The following FAT3 variants were observed in gnomAD, a reference collection of about 807,000 sequenced individuals.
The protein encoded by FAT3 is FAT atypical cadherin 3, also known as protocadherin Fat 3.
FAT3 carries 95 observed loss-of-function variants against 310.2 expected under a neutral mutation model. That is an observed-to-expected ratio of 0.31 (90% CI 0.26 to 0.36). The LOEUF is 0.36. Ranked by LOEUF, FAT3 falls within the 10% of genes least tolerant of loss-of-function variation. The probability of loss-of-function intolerance (pLI) is 1.00; values close to 1 mark genes in which losing one functional copy is unlikely to be tolerated. For missense variants in FAT3, 5,408 were observed against 5,715.6 expected (o/e 0.95, Z 1.74); for synonymous variants, 2,314 against 2,192.9 (o/e 1.06, Z -1.54).
chr11:92,789,093 T>C (rs991201253), intron 7 of FAT3, among the ~76,000 whole-genome samples: 1 of 152,154 alleles, frequency 6.6e-6, no homozygotes, highest in Non-Finnish European at 1.5e-5. Flanking sequence ...TTGATGATAT[T>C]AAGGAACTAC....
At chr11:92,534,331 G>T (rs1179225103) in intron 3 of FAT3, among the ~76,000 whole-genome samples, 3 of 152,124 alleles carry the variant, frequency 2.0e-5, no homozygotes, top group Admixed American at 1.3e-4. Context: ...GTTTGACCAG[G>T]GTCACCCAGC....
intron 1 of FAT3, among the ~76,000 whole-genome samples, chr11:92,238,566 G>C (rs900464355): frequency 2.6e-5 from 4 of 152,146 alleles, no homozygotes; most frequent in Admixed American, 1.3e-4. Context: ...GTTACAGATG[G>C]GGAAAGGGCT....
chr11:92,440,746 T>C (rs1273127776), intron 2 of FAT3, among the ~76,000 whole-genome samples: 2 of 152,170 alleles, frequency 1.3e-5, no homozygotes, highest in African/African-American at 4.8e-5. Flanking sequence ...ACGAAGATAA[T>C]ATTTTACCAA....
intron 4 of FAT3, among the ~76,000 whole-genome samples, chr11:92,709,857 C>A (rs1944469140): frequency 6.6e-6 from 1 of 152,130 alleles, no homozygotes; most frequent in South Asian, 2.1e-4. Flanking sequence ...CTGTTTGGAG[C>A]CTAAAAGCAG....
chr11:92,594,463 A>T (rs193037752), intron 3 of FAT3, among the ~76,000 whole-genome samples: 1 of 152,280 alleles, frequency 6.6e-6, no homozygotes. Context: ...AAAGAGAAGA[A>T]CTTGATGTAG....
At chr11:92,405,261 C>T (rs1950112323) in intron 2 of FAT3, among the ~76,000 whole-genome samples, 1 of 152,134 alleles carries the variant, frequency 6.6e-6, no homozygotes. Flanking sequence ...CCAGTGCCTT[C>T]TCATGGTGCT....
At chr11:92,881,418 T>C (rs1949667874) in intron 23 of FAT3, among the ~76,000 whole-genome samples, 1 of 152,238 alleles carries the variant, frequency 6.6e-6, no homozygotes. Flanking sequence ...TTTAGAAGTA[T>C]ATGTATGTAA....
At chr11:92,474,630 C>T (rs1415834614) in intron 2 of FAT3, among the ~76,000 whole-genome samples, 1 of 152,062 alleles carries the variant, frequency 6.6e-6, no homozygotes, top group Non-Finnish European at 1.5e-5. Flanking sequence ...ACAGGAGACT[C>T]CAGGAGCTCA....
intron 2 of FAT3, among the ~76,000 whole-genome samples, chr11:92,519,266 C>G (rs1460294889): frequency 1.3e-5 from 2 of 152,098 alleles, no homozygotes; most frequent in Non-Finnish European, 2.9e-5. Context: ...ATTTTTGACA[C>G]AGGTGCAAAG....
intron 3 of FAT3, among the ~76,000 whole-genome samples, chr11:92,580,302 C>G (rs1453828717): frequency 6.6e-6 from 1 of 151,932 alleles, no homozygotes; most frequent in Non-Finnish European, 1.5e-5. Flanking sequence ...ACCCAATGTC[C>G]CACTTTGTCT....
At chr11:92,257,523 A>C (rs537049952) in intron 1 of FAT3, among the ~76,000 whole-genome samples, 1 of 152,090 alleles carries the variant, frequency 6.6e-6, no homozygotes, top group Non-Finnish European at 1.5e-5. Context: ...GCAGGAAAAA[A>C]TTGCCTAAAA....
rs779853971 is a variant in FAT3 at position 92,801,122 on chromosome 11, G to A, written c.8109G>A (p.Thr2703=). 6.8e-6 allele frequency: 11 copies of A among 1,613,758 alleles called. No individual in the cohort carries two copies. Among genetic ancestry groups the A allele is most frequent in the South Asian group, 1.1e-5 (1 of 91,082 alleles). Residue 2703 remains threonine, a synonymous_variant, in exon 10 of 28, where the codon ACG becomes ACA. Transcript: ENST00000525166. ...ATATCCACGTCTTGCCCCCTGAAACGTTCTTGCCATCATTCACCCAGTCTC... is the reference window on the plus strand; with the variant it reads ...ATATCCACGTCTTGCCCCCTGAAACATTCTTGCCATCATTCACCCAGTCTC... ...PVYIHVLPPE[T]FLPSFTQSQY...
chr11:92,452,087 C>T (rs1376172518), intron 2 of FAT3, among the ~76,000 whole-genome samples: 1 of 152,160 alleles, frequency 6.6e-6, no homozygotes, highest in African/African-American at 2.4e-5. Context: ...ACAGTTCTGT[C>T]TGTTGATTGC....
chr11:92,645,125 A>C (rs1942102018), intron 3 of FAT3, among the ~76,000 whole-genome samples: 1 of 152,252 alleles, frequency 6.6e-6, no homozygotes, highest in Non-Finnish European at 1.5e-5. Context: ...AATTCTTAAA[A>C]TGTGCGAATA....
At chr11:92,756,943 A>G (rs1462580412) in intron 4 of FAT3, among the ~76,000 whole-genome samples, 80 of 37,002 alleles carry the variant, frequency 2.2e-3, no homozygotes, top group African/African-American at 0.013. Context: ...TTTTTTTTTT[A>G]GACAGAGGTT....
intron 2 of FAT3, among the ~76,000 whole-genome samples, chr11:92,512,170 A>G (rs1312456630): frequency 1.3e-5 from 2 of 152,192 alleles, no homozygotes; most frequent in South Asian, 2.1e-4. Context: ...TAAGTATGTT[A>G]TATATCTTAA....
chr11:92,448,705 C>A (rs572970136), intron 2 of FAT3, among the ~76,000 whole-genome samples: 10 of 152,142 alleles, frequency 6.6e-5, no homozygotes, highest in Non-Finnish European at 1.5e-4. Flanking sequence ...ATTAATTTAT[C>A]TTCCTTGTTG....
intron 19 of FAT3, among the ~76,000 whole-genome samples, chr11:92,849,196 A>G (rs1255403783): frequency 6.6e-6 from 1 of 152,238 alleles, no homozygotes; most frequent in African/African-American, 2.4e-5. Flanking sequence ...GCCAGGATTC[A>G]TCCTTGACTC....
At chr11:92,734,394 T>C (rs772636039) in intron 4 of FAT3, among the ~76,000 whole-genome samples, 16 of 152,112 alleles carry the variant, frequency 1.1e-4, no homozygotes, top group African/African-American at 1.7e-4. Context: ...AGGGATTACA[T>C]AGATGTCTGT....
Sources: allele counts gnomAD v4.1 joint callset (sites outside exome capture counted in the v4.1 genomes callset), GRCh38; gene constraint gnomAD v4.1.1; transcripts MANE v1.5; gene names NCBI Gene and HGNC (gene_info 2026-07-23, HGNC 2026-07-21).